The following SYT16 variants were observed in gnomAD, a reference collection of about 807,000 sequenced individuals.
The protein encoded by SYT16 is synaptotagmin-16.
SYT16 carries 42 observed loss-of-function variants against 61.4 expected under a neutral mutation model. The observed-to-expected ratio is 0.68, with a 90% confidence interval of 0.53 to 0.89. The LOEUF (loss-of-function observed/expected upper bound fraction) is 0.89. Among genes scored for constraint, SYT16 ranks in the 40% least tolerant of loss-of-function variants. The pLI, the probability that SYT16 is intolerant of heterozygous loss-of-function variation, is 0.00. For synonymous variants in SYT16, 314 were observed against 302.3 expected (o/e 1.04, Z -0.40); for missense variants, 804 against 807.3 (o/e 1.00, Z 0.05).
At chr14:61,820,469 G>GGTTTTTTTTTTTT (rs2045578027) in intron 1 of SYT16, among the ~76,000 whole-genome samples, 2 of 61,082 alleles carry the variant, frequency 3.3e-5, no homozygotes, top group African/African-American at 1.4e-4. Context: ...CCTCTTCAGA[G>GGTTTTTTTTTTTT]TTTTTTTTTT....
intron 4 of SYT16, among the ~76,000 whole-genome samples, chr14:62,070,502 A>G (rs996331670): frequency 3.3e-5 from 5 of 152,154 alleles, no homozygotes; most frequent in African/African-American, 1.2e-4. Flanking sequence ...GGGATACTCA[A>G]AGCTAGGGCA....
chr14:61,968,780 C>T (rs564637633), intron 1 of SYT16, among the ~76,000 whole-genome samples: 1 of 152,196 alleles, frequency 6.6e-6, no homozygotes, highest in Non-Finnish European at 1.5e-5. Context: ...TTCAACCAAG[C>T]GCTGTGACTG....
intron 1 of SYT16, among the ~76,000 whole-genome samples, chr14:61,921,461 A>G (rs1322482005): frequency 6.6e-6 from 1 of 152,184 alleles, no homozygotes; most frequent in Non-Finnish European, 1.5e-5. Flanking sequence ...CTGTAGCAGG[A>G]AACTTCAGTG....
At chr14:62,065,719 T>C (rs938975137) in intron 3 of SYT16, among the ~76,000 whole-genome samples, 4 of 152,190 alleles carry the variant, frequency 2.6e-5, no homozygotes, top group African/African-American at 4.8e-5. Context: ...CATTCATGTA[T>C]CTCCCCAGGT....
At chr14:61,824,056 C>G (rs1163759785) in intron 1 of SYT16, among the ~76,000 whole-genome samples, 2 of 152,022 alleles carry the variant, frequency 1.3e-5, no homozygotes, top group African/African-American at 4.8e-5. Flanking sequence ...GAAAATTGGT[C>G]TATATAAAAT....
At chr14:61,918,146 G>A (rs2049189469) in intron 1 of SYT16, among the ~76,000 whole-genome samples, 1 of 152,028 alleles carries the variant, frequency 6.6e-6, no homozygotes. Flanking sequence ...CCAAAGCTTT[G>A]GCAGGAAGGC....
chr14:62,034,551 C>A (rs1403592601), intron 3 of SYT16, among the ~76,000 whole-genome samples: 1 of 152,084 alleles, frequency 6.6e-6, no homozygotes, highest in African/African-American at 2.4e-5. Flanking sequence ...ACATATGCTA[C>A]AACATGGGTG....
At chr14:61,859,577 T>C (rs891637373) in intron 1 of SYT16, among the ~76,000 whole-genome samples, 3 of 151,878 alleles carry the variant, frequency 2.0e-5, no homozygotes, top group Non-Finnish European at 4.4e-5. Flanking sequence ...ATTAAACCTT[T>C]ACTCCTAAAG....
rs370175148 is a variant in SYT16, at chr14:62,100,858, A to G, written c.*151A>G. ...GTGAGTGGGAGTTTTGGGTTTCTCA[A>G]TGGTCTGATTTGGATTTAAATATTG... On this transcript the variant is annotated 3_prime_UTR_variant, in exon 8 of 8. Transcript: ENST00000683842. The G allele has an allele frequency of 1.4e-4, 103 of 724,870 alleles. No homozygotes were observed. Among genetic ancestry groups the G allele is most frequent in the Middle Eastern group, 4.0e-4 (1 of 2,502 alleles). The allele number at this position is 724,870 out of a possible 1,614,324, so 44.9% of individuals were successfully genotyped here.
chr14:61,978,929 T>C (rs961463348), intron 2 of SYT16, among the ~76,000 whole-genome samples: 4 of 152,218 alleles, frequency 2.6e-5, no homozygotes, highest in African/African-American at 9.6e-5. Context: ...TTATTCAAGA[T>C]TGTCAAATTA....
At chr14:61,829,984 C>T (rs2045888791) in intron 1 of SYT16, among the ~76,000 whole-genome samples, 2 of 152,142 alleles carry the variant, frequency 1.3e-5, no homozygotes, top group South Asian at 4.1e-4. Flanking sequence ...TCACTGATCT[C>T]TTTCCTCTGT....
At chr14:61,812,612 AGGGCTGGCGGCTGCTGGGCGCG>A (rs1052953960), upstream of SYT16, 3 of 146,304 alleles carry the variant, frequency 2.1e-5, no homozygotes, top group Admixed American at 6.8e-5. Context: ...CGGCGGCCGC[AGGGCTGGCGGCTGCTGGGCGCG>A]GGGCGGCGCG....
At chr14:61,964,991 A>G (rs1041453104) in intron 1 of SYT16, among the ~76,000 whole-genome samples, 1 of 152,090 alleles carries the variant, frequency 6.6e-6, no homozygotes, top group Non-Finnish European at 1.5e-5. Flanking sequence ...AAACTACAGT[A>G]TAGTGTAAAC....
At chr14:61,973,744 G>A (rs1409076205) in intron 2 of SYT16, among the ~76,000 whole-genome samples, 1 of 152,072 alleles carries the variant, frequency 6.6e-6, no homozygotes, top group Non-Finnish European at 1.5e-5. Flanking sequence ...CATTGTCTAT[G>A]CTTTTAAGAA....
At chr14:61,926,687 G>T (rs1324812552) in intron 1 of SYT16, among the ~76,000 whole-genome samples, 1 of 152,112 alleles carries the variant, frequency 6.6e-6, no homozygotes, top group Non-Finnish European at 1.5e-5. Context: ...TTCTTAACTT[G>T]GACTTTGAGG....
At chr14:61,906,108 G>C (rs570061394) in intron 1 of SYT16, among the ~76,000 whole-genome samples, 1 of 152,288 alleles carries the variant, frequency 6.6e-6, no homozygotes, top group East Asian at 1.9e-4. Context: ...ATCACAGCTA[G>C]TGCTTCCCTA....
At chr14:62,037,296 C>G (rs1215682128) in intron 3 of SYT16, among the ~76,000 whole-genome samples, 1 of 152,100 alleles carries the variant, frequency 6.6e-6, no homozygotes, top group Non-Finnish European at 1.5e-5. Flanking sequence ...CTTGCATACT[C>G]TGTCATCTCC....
At chr14:61,982,563 C>T (rs1400117811) in intron 2 of SYT16, among the ~76,000 whole-genome samples, 1 of 152,064 alleles carries the variant, frequency 6.6e-6, no homozygotes, top group African/African-American at 2.4e-5. Flanking sequence ...CAGGTCCCTC[C>T]CATAACACGT....
intron 5 of SYT16, among the ~76,000 whole-genome samples, chr14:62,080,498 A>G (rs1354124844): frequency 6.6e-6 from 1 of 152,226 alleles, no homozygotes; most frequent in African/African-American, 2.4e-5. Context: ...TGTTGACTTA[A>G]TTTTAGATTT....
Sources: allele counts gnomAD v4.1 joint callset (sites outside exome capture counted in the v4.1 genomes callset), GRCh38; gene constraint gnomAD v4.1.1; transcripts MANE v1.5; gene names NCBI Gene and HGNC (gene_info 2026-07-23, HGNC 2026-07-21).